MFSD11: variants seen among roughly 807,000 people sequenced by gnomAD.
MFSD11 encodes the protein UNC93-like protein MFSD11.
In MFSD11, 36 loss-of-function variants were observed where a neutral mutation model predicts 53.5. That is an observed-to-expected ratio of 0.67 (90% CI 0.52 to 0.89). The LOEUF (loss-of-function observed/expected upper bound fraction) is 0.89, where lower values mean the gene tolerates loss of function less well. MFSD11 is among the 40% of genes least tolerant of loss of function. The pLI is 0.00. For synonymous variants in MFSD11, 186 were observed against 184.9 expected (o/e 1.01, Z -0.05); for missense variants, 530 against 543.9 (o/e 0.97, Z 0.25).
the MFSD11 span, among the ~76,000 whole-genome samples, chr17:76,788,707 G>A: frequency 1.3e-5 from 2 of 148,244 alleles, no homozygotes; most frequent in African/African-American, 4.9e-5. Context: ...AAAAAAATTA[G>A]CCAGGCTTGG....
intron 9 of MFSD11, 44 bp downstream of exon 9, chr17:76,767,495 A>G: frequency 3.2e-6 from 4 of 1,265,116 alleles, no homozygotes; most frequent in Non-Finnish European, 4.5e-6. Context: ...GCATAATGAC[A>G]ATAAGGAGTT....
downstream of MFSD11, among the ~76,000 whole-genome samples, chr17:76,780,780 C>T (rs991182602): frequency 1.2e-4 from 19 of 152,148 alleles, no homozygotes; most frequent in African/African-American, 4.6e-4. Flanking sequence ...TCCCAAAGTG[C>T]TGGGATTACA....
intron 7 of MFSD11, chr17:76,748,058 C>G (rs981725809): frequency 5.4e-5 from 7 of 130,498 alleles, no homozygotes; most frequent in Non-Finnish European, 9.1e-5. Context: ...AAGAAAATAG[C>G]AAAGTGAGTG....
chr17:76,753,672 A>T (rs2079276718), intron 7 of MFSD11, among the ~76,000 whole-genome samples: 1 of 123,908 alleles, frequency 8.1e-6, no homozygotes, highest in Admixed American at 9.5e-5. Context: ...TGGGAGGTGG[A>T]GTGCGACCCT....
chr17:76,790,752 C>T, the MFSD11 span, among the ~76,000 whole-genome samples: 1 of 145,988 alleles, frequency 6.8e-6, no homozygotes, highest in Non-Finnish European at 1.5e-5. Context: ...CCATCCTGGC[C>T]AAAATGGTGA....
chr17:76,766,390 G>A (rs1371142075), intron 8 of MFSD11, among the ~76,000 whole-genome samples: 1 of 144,238 alleles, frequency 6.9e-6, no homozygotes, highest in Non-Finnish European at 1.5e-5. Flanking sequence ...CTCTACTCCA[G>A]CCTGGGTGAC....
intron 9 of MFSD11, 95 bp downstream of exon 9, chr17:76,767,546 T>G: frequency 1.3e-6 from 1 of 771,868 alleles, no homozygotes; most frequent in Non-Finnish European, 2.1e-6. Context: ...TTCTGTGCAG[T>G]GACTGGACTC....
At chr17:76,780,275 A>G (rs1481886711), downstream of MFSD11, among the ~76,000 whole-genome samples, 2 of 151,938 alleles carry the variant, frequency 1.3e-5, no homozygotes, top group Non-Finnish European at 2.9e-5. Context: ...TTCTGTCTCT[A>G]TAGATTTGCT....
At position 76,776,446 on chromosome 17, in the gene MFSD11, G is replaced by A; in HGVS notation, c.1090G>A (p.Gly364Arg). Residue 364 changes from glycine (G) to arginine (R), a missense_variant, in exon 12 of 13, where the codon GGA becomes AGA. Physicochemically the swap from Gly to Arg is moderately radical, Grantham distance 125. Transcript: ENST00000685175. This position sits in a 1 kb window ranked among gnomAD's most constrained non-coding sequence, Gnocchi z 4.2. ...AILCSFLLGL[G>R]DSCFNTQLLS... ...TCTCTGCAGTTTTCTGTTGGGCCTTGGAGACAGCTGCTTTAATACCCAGCT... is the reference window on the plus strand; with the variant it reads ...TCTCTGCAGTTTTCTGTTGGGCCTTAGAGACAGCTGCTTTAATACCCAGCT... 1 of 1,613,994 alleles carries A rather than the reference G, an allele frequency of 6.2e-7. No individual in the cohort carries two copies. The highest frequency in any genetic ancestry group is 8.5e-7 in the Non-Finnish European group (1 of 1,179,994).
chr17:76,737,369 C>G, upstream of MFSD11: 5 of 574,802 alleles, frequency 8.7e-6, no homozygotes. Flanking sequence ...TTATATCGCT[C>G]CTCACAAAAT....
At chr17:76,767,964 G>A (rs972744835) in intron 9 of MFSD11, among the ~76,000 whole-genome samples, 9 of 152,252 alleles carry the variant, frequency 5.9e-5, no homozygotes, top group East Asian at 3.9e-4. Context: ...AATGCAGAGC[G>A]CTACAGAAAA....
intron 3 of MFSD11, 93 bp from the exon 4 acceptor site, chr17:76,741,873 AAAG>A: frequency 1.3e-6 from 2 of 1,576,380 alleles, no homozygotes; most frequent in Non-Finnish European, 8.6e-7. Flanking sequence ...TTGAGTTTTA[AAAG>A]AAGAGAATGT....
At chr17:76,737,041 G>A, upstream of MFSD11, 1 of 1,613,368 alleles carries the variant, frequency 6.2e-7, no homozygotes, top group Non-Finnish European at 8.5e-7. Context: ...ACACGTCGCC[G>A]ACGCGCCCGT....
At chr17:76,745,488 G>A (rs992957856) in intron 7 of MFSD11, 4 of 152,160 alleles carry the variant, frequency 2.6e-5, no homozygotes, top group Admixed American at 2.6e-4. Context: ...TGGTCACTTT[G>A]TGTCTCTCTG....
chr17:76,757,783 G>T (rs1336870191), intron 8 of MFSD11, among the ~76,000 whole-genome samples: 1 of 152,092 alleles, frequency 6.6e-6, no homozygotes, highest in African/African-American at 2.4e-5. Context: ...GGTCAAGGCA[G>T]GTGGATCACG....
At chr17:76,790,225 C>T in the MFSD11 span, among the ~76,000 whole-genome samples, 2 of 146,744 alleles carry the variant, frequency 1.4e-5, no homozygotes, top group African/African-American at 5.0e-5. Context: ...AGCCACCACG[C>T]CCAGCTAATT....
At chr17:76,795,016 T>C in the MFSD11 span, among the ~76,000 whole-genome samples, 23 of 151,678 alleles carry the variant, frequency 1.5e-4, no homozygotes, top group Admixed American at 1.5e-3. Context: ...TTAACCACAG[T>C]CAGTCCTCCA....
the MFSD11 span, among the ~76,000 whole-genome samples, chr17:76,802,790 A>G: frequency 6.6e-6 from 1 of 152,182 alleles, no homozygotes; most frequent in Non-Finnish European, 1.5e-5. Context: ...CACTCAGACA[A>G]TTGCAAAGGA....
At chr17:76,771,220 C>A (rs184914663) in intron 10 of MFSD11, among the ~76,000 whole-genome samples, 1 of 152,202 alleles carries the variant, frequency 6.6e-6, no homozygotes, top group Non-Finnish European at 1.5e-5. Flanking sequence ...AGGGTTGCCC[C>A]CTTAGCGTAA....
Sources: gnomAD v4.1 joint callset for allele counts (sites outside exome capture counted in the v4.1 genomes callset) on GRCh38, gnomAD v4.1.1 for gene constraint, Gnocchi (gnomAD v3.1) non-coding constraint, MANE v1.5 for transcripts, NCBI Gene and HGNC (gene_info 2026-07-23, HGNC 2026-07-21) for gene names.